Variants in KLF12 observed in about 807,000 individuals in gnomAD.
KLF12 encodes the protein Krueppel-like factor 12.
KLF12 carries 9 observed loss-of-function variants against 37.8 expected under a neutral mutation model. The ratio of observed to expected loss-of-function variants is 0.24; its 90% CI spans 0.14 to 0.42. The LOEUF (loss-of-function observed/expected upper bound fraction) is 0.42. Ranked by LOEUF, KLF12 falls within the 10% of genes least tolerant of loss-of-function variation. The pLI, the probability that KLF12 is intolerant of heterozygous loss-of-function variation, is 1.00. For missense variants in KLF12, 411 were observed against 516.0 expected, an observed-to-expected ratio of 0.80 and a Z score of 1.97; for synonymous variants, 208 against 202.1, an observed-to-expected ratio of 1.03 and a Z score of -0.25.
At chr13:73,907,115 T>C (rs1164629946) in intron 3 of KLF12, among the ~76,000 whole-genome samples, 3 of 152,182 alleles carry the variant, frequency 2.0e-5, no homozygotes, top group African/African-American at 7.2e-5. Context: ...ATCAAAGATA[T>C]GGTTGTGAAA....
the KLF12 span, among the ~76,000 whole-genome samples, chr13:74,295,438 G>A: frequency 3.3e-5 from 5 of 152,108 alleles, no homozygotes; most frequent in Admixed American, 1.3e-4. Flanking sequence ...TCTTCCCTAA[G>A]GAGCCTGAGC....
intron 1 of KLF12, among the ~76,000 whole-genome samples, chr13:74,083,493 GACACACACACACACACAC>G (rs61312097): frequency 1.0e-4 from 14 of 136,518 alleles, no homozygotes; most frequent in East Asian, 2.2e-4. Context: ...GGCGATAGGA[GACACACACACACACACAC>G]ACACACACAC....
rs527427346 is a variant in KLF12, at chr13:73,772,062, C to T, written c.807-7062G>A. ...TGGGATTAAGATGCACATATCAATACATAAATGTCTAAGGAGTCGGGAACT... is the reference window on the plus strand; with the variant it reads ...TGGGATTAAGATGCACATATCAATATATAAATGTCTAAGGAGTCGGGAACT... On this transcript the variant is annotated intron_variant, in intron 5 of 7. Coordinates refer to ENST00000377669, the MANE Select transcript of KLF12 (RefSeq NM_007249.5). Among the ~76,000 whole-genome samples, 154 of 152,318 alleles carry T rather than the reference C, an allele frequency of 1.0e-3. 3 individuals are homozygous for T. The South Asian group carries it at 0.027, about 27-fold the overall frequency.
At chr13:74,228,522 A>G in the KLF12 span, among the ~76,000 whole-genome samples, 2 of 152,148 alleles carry the variant, frequency 1.3e-5, no homozygotes, top group Non-Finnish European at 2.9e-5. Flanking sequence ...AGGAAATATT[A>G]AGCTTAGAAA....
the KLF12 span, among the ~76,000 whole-genome samples, chr13:74,155,003 C>T: frequency 1.2e-4 from 18 of 152,304 alleles, no homozygotes; most frequent in Non-Finnish European, 2.4e-4. Context: ...GAATATTTCA[C>T]AGTCAGAGCT....
At chr13:74,186,078 G>A in the KLF12 span, among the ~76,000 whole-genome samples, 1 of 152,208 alleles carries the variant, frequency 6.6e-6, no homozygotes, top group South Asian at 2.1e-4. Flanking sequence ...ATATACACCA[G>A]ATGATAACGT....
the KLF12 span, among the ~76,000 whole-genome samples, chr13:74,288,202 AACAG>A: frequency 6.6e-6 from 1 of 152,232 alleles, no homozygotes; most frequent in African/African-American, 2.4e-5. Flanking sequence ...AAAAGAAGCA[AACAG>A]ACAAACTAAA....
chr13:73,723,567 C>T (rs1033645902), intron 6 of KLF12, among the ~76,000 whole-genome samples: 9 of 152,002 alleles, frequency 5.9e-5, no homozygotes, highest in Non-Finnish European at 1.0e-4. Context: ...AAGGGTAAGC[C>T]CTGCCCTCCT....
chr13:73,877,625 T>C (rs1396143505), intron 3 of KLF12, among the ~76,000 whole-genome samples: 1 of 152,218 alleles, frequency 6.6e-6, no homozygotes, highest in Non-Finnish European at 1.5e-5. Flanking sequence ...CTACTGGTGT[T>C]TTCTTTGTAA....
chr13:74,096,051 T>C (rs996947041), intron 1 of KLF12, among the ~76,000 whole-genome samples: 4 of 152,344 alleles, frequency 2.6e-5, no homozygotes, highest in Non-Finnish European at 2.9e-5. Context: ...CTGAAAAGCC[T>C]CAACTTAAGT....
chr13:74,182,020 T>C, the KLF12 span, among the ~76,000 whole-genome samples: 2 of 152,136 alleles, frequency 1.3e-5, no homozygotes, highest in African/African-American at 2.4e-5. Flanking sequence ...TAGCAAAAAA[T>C]TCACAGTTGA....
intron 3 of KLF12, among the ~76,000 whole-genome samples, chr13:73,867,693 T>C (rs1425736385): frequency 6.6e-6 from 1 of 152,148 alleles, no homozygotes; most frequent in Non-Finnish European, 1.5e-5. Flanking sequence ...CAAGTACTTA[T>C]GAACTATTTA....
chr13:74,171,930 G>A, the KLF12 span, among the ~76,000 whole-genome samples: 1 of 152,190 alleles, frequency 6.6e-6, no homozygotes, highest in Non-Finnish European at 1.5e-5. Flanking sequence ...TTGTAATGAA[G>A]TTGTTTACTC....
At chr13:74,248,472 G>A in the KLF12 span, among the ~76,000 whole-genome samples, 1 of 152,158 alleles carries the variant, frequency 6.6e-6, no homozygotes, top group Non-Finnish European at 1.5e-5. Context: ...AGAATAAGGA[G>A]AGCTTAAAGA....
chr13:73,945,297 C>T (rs1890371047), intron 2 of KLF12, among the ~76,000 whole-genome samples: 2 of 151,954 alleles, frequency 1.3e-5, no homozygotes, highest in Non-Finnish European at 2.9e-5. Flanking sequence ...GGTGAAACCC[C>T]GTCTCTACTA....
intron 4 of KLF12, among the ~76,000 whole-genome samples, chr13:73,813,547 A>G (rs1051090278): frequency 5.3e-5 from 8 of 152,060 alleles, no homozygotes; most frequent in Non-Finnish European, 1.0e-4. Context: ...GAAATCCACA[A>G]TATTACCAAC....
rs1874012619 is a variant in KLF12 at position 73,694,677 on chromosome 13, T to C, written c.*813A>G. 1 of 152,672 alleles carries C rather than the reference T, an allele frequency of 6.5e-6. No homozygotes were observed. The highest frequency in any genetic ancestry group is 2.1e-4 in the South Asian group (1 of 4,828). 9.5% of individuals were successfully genotyped at this position (152,672 alleles called of 1,614,324 possible). ...TGCCTAGGTGACAGAACACTGCAATTTGAAGTGGGGCAGTAGTTTTTTAGA... is the reference window on the plus strand; with the variant it reads ...TGCCTAGGTGACAGAACACTGCAATCTGAAGTGGGGCAGTAGTTTTTTAGA... On this transcript the variant is annotated 3_prime_UTR_variant, in exon 8 of 8. Coordinates refer to ENST00000377669, the MANE Select transcript of KLF12 (RefSeq NM_007249.5).
At chr13:74,144,111 T>C in the KLF12 span, among the ~76,000 whole-genome samples, 1 of 152,176 alleles carries the variant, frequency 6.6e-6, no homozygotes, top group East Asian at 1.9e-4. Context: ...CTACAGCCCA[T>C]TGTGTAGAAA....
intron 3 of KLF12, among the ~76,000 whole-genome samples, chr13:73,857,222 T>G (rs1179970044): frequency 6.6e-6 from 1 of 152,154 alleles, no homozygotes; most frequent in African/African-American, 2.4e-5. Flanking sequence ...GCACTTCAGA[T>G]TGTTTTGAGA....
Sources: gnomAD v4.1 joint callset for allele counts (sites outside exome capture counted in the v4.1 genomes callset) on GRCh38, gnomAD v4.1.1 for gene constraint, MANE v1.5 for transcripts, NCBI Gene and HGNC (gene_info 2026-07-23, HGNC 2026-07-21) for gene names.